CELF1: variants seen among roughly 807,000 people sequenced by gnomAD.
The protein encoded by CELF1 is 50 kDa nuclear polyadenylated RNA-binding protein.
In CELF1, 10 loss-of-function variants were observed where a neutral mutation model predicts 61.8. The observed-to-expected ratio is 0.16, with a 90% CI of 0.10 to 0.27. CELF1 has a LOEUF of 0.27. Ranked by LOEUF, CELF1 falls within the 10% of genes least tolerant of loss-of-function variation. The pLI is 1.00. For missense variants in CELF1, 380 were observed against 639.1 expected, an observed-to-expected ratio of 0.59 and a Z score of 4.37; for synonymous variants, 236 against 225.1, an observed-to-expected ratio of 1.05 and a Z score of -0.43.
At chr11:47,531,505 G>A (rs1221994215) in intron 1 of CELF1, among the ~76,000 whole-genome samples, 2 of 152,090 alleles carry the variant, frequency 1.3e-5, no homozygotes, top group Non-Finnish European at 2.9e-5. Context: ...GGAGGCAGAG[G>A]TTGCAGTGAG....
At chr11:47,518,704 T>A (rs1362632224) in intron 1 of CELF1, among the ~76,000 whole-genome samples, 1 of 152,182 alleles carries the variant, frequency 6.6e-6, no homozygotes. Flanking sequence ...TCTTACCACC[T>A]CTACCCTACC....
intron 1 of CELF1, among the ~76,000 whole-genome samples, chr11:47,521,155 G>A (rs1334855653): frequency 6.6e-6 from 1 of 151,978 alleles, no homozygotes; most frequent in African/African-American, 2.4e-5. Flanking sequence ...CGGAGGCTGA[G>A]GCAGGAGAAT....
intron 1 of CELF1, among the ~76,000 whole-genome samples, chr11:47,522,757 T>C: frequency 7.1e-6 from 1 of 140,402 alleles, no homozygotes. Context: ...ACCTGGGAGG[T>C]GGAGGCTGCA....
intron 2 of CELF1, 22 bp from the exon 3 acceptor site, chr11:47,499,626 A>C: frequency 2.2e-5 from 19 of 860,090 alleles, no homozygotes; most frequent in Middle Eastern, 2.2e-4. Context: ...AAAAAACACA[A>C]AGTGGAAACA....
At chr11:47,514,156 C>T (rs2153617877) in intron 1 of CELF1, among the ~76,000 whole-genome samples, 1 of 152,146 alleles carries the variant, frequency 6.6e-6, no homozygotes, top group East Asian at 1.9e-4. Flanking sequence ...AACTCCTGAC[C>T]TCAAGTGATG....
At position 47,471,595 on chromosome 11, in the gene CELF1, G is replaced by A. The variant is rs887196183; in HGVS notation, c.*635C>T. On this transcript the variant is annotated 3_prime_UTR_variant, in exon 15 of 15. Coordinates refer to ENST00000687097, the MANE Select transcript of CELF1 (RefSeq NM_001376376.1). ...ATGCCCTTTTTTGAAAAGAGCAGCA[G>A]AAATTCCGGACAAGAATCTGAAAAA... 1 of 152,190 alleles carries A rather than the reference G, an allele frequency of 6.6e-6. No individual in the cohort carries two copies. 9.4% of individuals were successfully genotyped at this position (152,190 alleles called of 1,614,324 possible).
intron 1 of CELF1, among the ~76,000 whole-genome samples, chr11:47,525,527 GTC>G (rs1275025936): frequency 6.6e-6 from 1 of 152,118 alleles, no homozygotes; most frequent in African/African-American, 2.4e-5. Context: ...GCCCAGGCGG[GTC>G]TCAAACTCCT....
rs1222891720 is a variant in CELF1 at position 47,494,326 on chromosome 11, A to G, written c.71+5127T>C. 3.2e-6 allele frequency: 3 copies of G among 925,908 alleles called. No homozygotes were observed. The African/African-American group carries it at 5.4e-5, about 17-fold the overall frequency. The allele number at this position is 925,908 out of a possible 1,614,324, so 57.4% of individuals were successfully genotyped here. A position where few individuals can be genotyped will look rare whatever the true frequency, so the allele number is the denominator to read the frequency against. On this transcript the variant is annotated intron_variant, in intron 3 of 14. Transcript: ENST00000687097. ...TACTGGCAGCAGAAGCAGTAATAGTAATACCTGAGGAGGTAGTTACTCTCA... is the reference window on the plus strand; with the variant it reads ...TACTGGCAGCAGAAGCAGTAATAGTGATACCTGAGGAGGTAGTTACTCTCA...
intron 6 of CELF1, among the ~76,000 whole-genome samples, chr11:47,486,258 T>A (rs1250398929): frequency 1.3e-5 from 2 of 151,834 alleles, no homozygotes; most frequent in Non-Finnish European, 2.9e-5. Context: ...ACCAAGTATA[T>A]TCCAGTTCAT....
At chr11:47,518,562 A>G (rs1353535673) in intron 1 of CELF1, among the ~76,000 whole-genome samples, 2 of 152,204 alleles carry the variant, frequency 1.3e-5, no homozygotes, top group Admixed American at 1.3e-4. Flanking sequence ...AGAACAGAAG[A>G]CACCAGGGAA....
At chr11:47,492,295 T>G (rs1283304124) in intron 3 of CELF1, among the ~76,000 whole-genome samples, 2 of 152,150 alleles carry the variant, frequency 1.3e-5, no homozygotes, top group African/African-American at 4.8e-5. Flanking sequence ...TTCTTTTGAG[T>G]GTTTCAGATG....
intron 3 of CELF1, among the ~76,000 whole-genome samples, chr11:47,493,369 G>A (rs1270362041): frequency 1.3e-5 from 2 of 150,308 alleles, no homozygotes; most frequent in Non-Finnish European, 3.0e-5. Context: ...TTAGCTGGGT[G>A]TAGTGGCACA....
chr11:47,484,202 G>T (rs1331628906), intron 7 of CELF1, among the ~76,000 whole-genome samples, 187 bp downstream of exon 7: 1 of 151,828 alleles, frequency 6.6e-6, no homozygotes, highest in Non-Finnish European at 1.5e-5. Flanking sequence ...GTGTCATGAT[G>T]CATGCCTGTG....
At chr11:47,511,354 C>CCTCTTGGGAAATACGAGGTAAT (rs1555181006) in intron 1 of CELF1, among the ~76,000 whole-genome samples, 2 of 151,560 alleles carry the variant, frequency 1.3e-5, no homozygotes, top group African/African-American at 4.8e-5. Flanking sequence ...CTCAGGATAA[C>CCTCTTGGGAAATACGAGGTAAT]CTCTTGGGAA....
Position 47,517,620 on chromosome 11 carries a change from T to C in CELF1, c.-153-16688A>G, listed in dbSNP as rs572460061. ...TTGTAGAGGTGGAACAGTGGTTGAA[T>C]TGTTTACATGTGAACACGTTACCTA... On this transcript the variant is annotated intron_variant, in intron 1 of 14. Transcript: ENST00000687097. Among the ~76,000 whole-genome samples, 126 of 152,300 alleles carry C rather than the reference T, an allele frequency of 8.3e-4. 1 individual carries two copies. The highest frequency in any genetic ancestry group is 2.8e-4 in the Non-Finnish European group (19 of 68,024).
intron 1 of CELF1, among the ~76,000 whole-genome samples, chr11:47,520,463 C>T (rs1196351559): frequency 1.3e-5 from 2 of 152,122 alleles, no homozygotes; most frequent in African/African-American, 4.8e-5. Flanking sequence ...TTCTACCTTC[C>T]CATGCTCCCC....
intron 1 of CELF1, among the ~76,000 whole-genome samples, chr11:47,513,103 C>A (rs1489121322): frequency 6.6e-6 from 1 of 152,218 alleles, no homozygotes; most frequent in African/African-American, 2.4e-5. Context: ...ACTAGGTCAT[C>A]TAAAACTATA....
At chr11:47,504,851 G>A (rs2094339057) in intron 1 of CELF1, among the ~76,000 whole-genome samples, 2 of 140,346 alleles carry the variant, frequency 1.4e-5, no homozygotes, top group South Asian at 2.2e-4. Flanking sequence ...GCAGTAAGCC[G>A]ACACCATGCC....
chr11:47,486,705 G>C (rs2087494771), intron 6 of CELF1, 45 bp downstream of exon 6: 1 of 1,519,060 alleles, frequency 6.6e-7, no homozygotes, highest in Non-Finnish European at 9.1e-7. Context: ...ACCGTGCCTG[G>C]CCTAGGCAGA....
Sources: gnomAD v4.1 joint callset for allele counts (sites outside exome capture counted in the v4.1 genomes callset) on GRCh38, gnomAD v4.1.1 for gene constraint, MANE v1.5 for transcripts, NCBI Gene and HGNC (gene_info 2026-07-23, HGNC 2026-07-21) for gene names.